The following DISC1 variants were observed in gnomAD, a reference collection of about 807,000 sequenced individuals.
DISC1 encodes DISC1 scaffold protein, also known as disrupted in schizophrenia 1 protein.
In DISC1, 57 loss-of-function variants were observed where a neutral mutation model predicts 84.5. The observed-to-expected ratio is 0.67, with a 90% CI of 0.55 to 0.84. The LOEUF (loss-of-function observed/expected upper bound fraction) is 0.84. Among genes scored for constraint, DISC1 ranks in the 40% least tolerant of loss-of-function variants. The probability of loss-of-function intolerance (pLI) is 0.00; values close to 1 mark genes in which losing one functional copy is unlikely to be tolerated. For missense variants in DISC1, 1,000 were observed against 1,057.8 expected, an observed-to-expected ratio of 0.95 and a Z score of 0.76; for synonymous variants, 411 against 415.2, an observed-to-expected ratio of 0.99 and a Z score of 0.12.
chr1:231,775,423 G>A (rs148179046), intron 6 of DISC1, among the ~76,000 whole-genome samples: 3 of 152,288 alleles, frequency 2.0e-5, no homozygotes, highest in East Asian at 3.9e-4. Context: ...ATGTGCTGGG[G>A]TCAAGGACAC....
At chr1:231,721,969 T>C (rs2069804112) in intron 3 of DISC1, among the ~76,000 whole-genome samples, 1 of 151,892 alleles carries the variant, frequency 6.6e-6, no homozygotes, top group Admixed American at 6.6e-5. Context: ...CTGGCTAACA[T>C]GGTGAAACTC....
At chr1:231,664,409 C>G (rs1401841607) in intron 1 of DISC1, among the ~76,000 whole-genome samples, 5 of 152,134 alleles carry the variant, frequency 3.3e-5, no homozygotes, top group Non-Finnish European at 5.9e-5. Flanking sequence ...CATCCCAATC[C>G]TGGAACCTAT....
intron 9 of DISC1, among the ~76,000 whole-genome samples, chr1:231,888,514 G>A (rs1019306853): frequency 6.6e-6 from 1 of 151,434 alleles, no homozygotes; most frequent in Non-Finnish European, 1.5e-5. Context: ...GGAGGCCGAG[G>A]GGGGTGGATC....
chr1:231,996,687 C>T (rs11122387), intron 10 of DISC1, among the ~76,000 whole-genome samples: 6,302 of 152,118 alleles, frequency 0.041, 443 homozygotes, highest in African/African-American at 0.14. Context: ...CATAGAAAAC[C>T]CCATAGAAAA....
chr1:231,954,231 C>T lies in DISC1; in HGVS notation c.1982-4597C>T, dbSNP rs569332299. On this transcript the variant is annotated intron_variant, in intron 9 of 12. Transcript: ENST00000439617. This position sits in a 1 kb window ranked among gnomAD's most constrained non-coding sequence, Gnocchi z 4.8. ...AAATCAGTGTTAAAGAGGCTGGTCCCACAGCTATCTCTGTGTCCCTGGAAG... is the reference window on the plus strand; with the variant it reads ...AAATCAGTGTTAAAGAGGCTGGTCCTACAGCTATCTCTGTGTCCCTGGAAG... Among the ~76,000 whole-genome samples the T allele has an allele frequency of 6.6e-6, 1 of 152,248 alleles. No homozygotes were observed. Among genetic ancestry groups the T allele is most frequent in the African/African-American group, 2.4e-5 (1 of 41,566 alleles).
At position 231,941,750 on chromosome 1, in the gene DISC1, C is replaced by T. The variant is rs553620817; in HGVS notation, c.1982-17078C>T. 6.8e-4 allele frequency among the ~76,000 whole-genome samples: 103 copies of T among 152,010 alleles called. 1 individual carries two copies. Among genetic ancestry groups the T allele is most frequent in the Non-Finnish European group, 1.1e-3 (76 of 68,000 alleles). Reference sequence around the variant, plus strand: ...CCTCCCAAAGTGCTGGGATTACAGGCGTGAGCCACCGCGCCTGGTCTGAAA... The same window carrying T: ...CCTCCCAAAGTGCTGGGATTACAGGTGTGAGCCACCGCGCCTGGTCTGAAA... On this transcript the variant is annotated intron_variant, in intron 9 of 12. Coordinates refer to ENST00000439617, the MANE Select transcript of DISC1 (RefSeq NM_018662.3).
rs1161093462 is a variant in DISC1, at chr1:232,039,090, C to T, written c.*2259C>T. 6.6e-6 allele frequency: 1 copy of T among 152,152 alleles called. No homozygotes were observed. The highest frequency in any genetic ancestry group is 2.4e-5 in the African/African-American group (1 of 41,428). 9.4% of individuals were successfully genotyped at this position (152,152 alleles called of 1,614,324 possible). A position where few individuals can be genotyped will look rare whatever the true frequency, so the allele number is the denominator to read the frequency against. The stretch of plus-strand genomic sequence containing the variant: ...TAATAATAAGTATAATTAGCTTGTT[C>T]CTGGACTTCATTTTCAATGATGAAC... On this transcript the variant is annotated 3_prime_UTR_variant, in exon 13 of 13. Coordinates refer to ENST00000439617, the MANE Select transcript of DISC1 (RefSeq NM_018662.3).
At chr1:231,850,358 A>G (rs1488685069) in intron 9 of DISC1, among the ~76,000 whole-genome samples, 1 of 152,252 alleles carries the variant, frequency 6.6e-6, no homozygotes, top group African/African-American at 2.4e-5. Flanking sequence ...AGAGTTGACC[A>G]TCAAGTAAAT....
intron 9 of DISC1, among the ~76,000 whole-genome samples, chr1:231,829,880 A>G (rs2082111443): frequency 6.6e-6 from 1 of 150,618 alleles, no homozygotes; most frequent in South Asian, 2.1e-4. Context: ...GGGGGTCACA[A>G]GGTGCTCAGT....
At chr1:231,645,745 G>C (rs569581065) in intron 1 of DISC1, among the ~76,000 whole-genome samples, 32 of 152,140 alleles carry the variant, frequency 2.1e-4, no homozygotes, top group African/African-American at 6.7e-4. Flanking sequence ...TCCCACCTAT[G>C]AGTGAGAACA....
At chr1:231,794,410 A>G (rs1376013653) in intron 6 of DISC1, among the ~76,000 whole-genome samples, 1 of 152,124 alleles carries the variant, frequency 6.6e-6, no homozygotes, top group Non-Finnish European at 1.5e-5. Context: ...GTTTTCTCCT[A>G]GTATTGATTT....
At chr1:231,993,571 C>G (rs561201470) in intron 10 of DISC1, among the ~76,000 whole-genome samples, 46 of 152,176 alleles carry the variant, frequency 3.0e-4, no homozygotes, top group African/African-American at 9.1e-4. Context: ...TTAAAAATGA[C>G]CAAGATTTCT....
intron 2 of DISC1, 148 bp from the exon 3 acceptor site, chr1:231,701,807 T>A (rs1305130046): frequency 1.2e-5 from 8 of 693,862 alleles, no homozygotes; most frequent in Non-Finnish European, 1.8e-5. Flanking sequence ...CATCTGGCAT[T>A]GAAAAAATGT....
Position 232,031,860 on chromosome 1 carries a change from A to C in DISC1, c.2426-4832A>C, listed in dbSNP as rs1191946986. Among the ~76,000 whole-genome samples the C allele has an allele frequency of 6.6e-6, 1 of 152,162 alleles. No homozygotes were observed. The highest frequency in any genetic ancestry group is 2.4e-5 in the African/African-American group (1 of 41,440). The stretch of plus-strand genomic sequence containing the variant: ...AGACTGTGATCCTCATGGCTTTTCC[A>C]TGAGGATCTCCAGTACCAAATTCTC... On this transcript the variant is annotated intron_variant, in intron 12 of 12. Coordinates refer to ENST00000439617, the MANE Select transcript of DISC1 (RefSeq NM_018662.3). The surrounding 1 kb of genome is among the most constrained non-coding windows in gnomAD (Gnocchi z 4.6).
chr1:231,958,631 A>G (rs1008494199), intron 9 of DISC1, among the ~76,000 whole-genome samples, 197 bp from the exon 10 acceptor site: 1 of 152,204 alleles, frequency 6.6e-6, no homozygotes, highest in African/African-American at 2.4e-5. Flanking sequence ...CTGCAGAGAC[A>G]CTCAGAGCCC....
intron 3 of DISC1, chr1:231,720,869 C>CA (rs2069576681): frequency 2.3e-6 from 3 of 1,290,784 alleles, no homozygotes; most frequent in Non-Finnish European, 3.0e-6. Flanking sequence ...GAAGTTGCTA[C>CA]CAGTCATCTC....
chr1:231,699,894 C>T (rs2066192065), intron 2 of DISC1, among the ~76,000 whole-genome samples: 1 of 152,216 alleles, frequency 6.6e-6, no homozygotes, highest in Non-Finnish European at 1.5e-5. Context: ...CAGTGGCATT[C>T]TTGCTCCCTC....
At chr1:231,946,336 C>T (rs1427096568) in intron 9 of DISC1, among the ~76,000 whole-genome samples, 1 of 152,174 alleles carries the variant, frequency 6.6e-6, no homozygotes, top group African/African-American at 2.4e-5. Flanking sequence ...TAATCCATCA[C>T]ATAATCAGAA....
intron 3 of DISC1, among the ~76,000 whole-genome samples, chr1:231,736,206 T>C (rs1330214190): frequency 6.6e-6 from 1 of 152,160 alleles, no homozygotes; most frequent in East Asian, 1.9e-4. Flanking sequence ...GAGGCTGTGT[T>C]TCTGCCTTGT....
Sources: allele counts gnomAD v4.1 joint callset (sites outside exome capture counted in the v4.1 genomes callset), GRCh38; gene constraint gnomAD v4.1.1; non-coding constraint Gnocchi (gnomAD v3.1); transcripts MANE v1.5; gene names NCBI Gene and HGNC (gene_info 2026-07-23, HGNC 2026-07-21).